Variants in CACFD1 observed in about 807,000 individuals in gnomAD.
CACFD1 encodes calcium channel flower homolog.
A neutral mutation model predicts 21.3 loss-of-function variants in CACFD1; 26 were observed. That is an observed-to-expected ratio of 1.22 (90% CI 0.89 to 1.69). The LOEUF is 1.69. Among genes scored for constraint, CACFD1 ranks in the 40% most tolerant of loss-of-function variants. CACFD1 has a pLI of 0.00. For missense variants in CACFD1, 265 were observed against 236.2 expected (o/e 1.12, Z -0.80); for synonymous variants, 121 against 106.6 (o/e 1.13, Z -0.83).
intron 4 of CACFD1, 44 bp downstream of exon 4, chr9:133,468,072 C>T (rs1350828985): frequency 1.3e-6 from 2 of 1,511,072 alleles, no homozygotes; most frequent in Non-Finnish European, 1.8e-6. Flanking sequence ...CTTCCTCCCT[C>T]CGCCCCCCGA....
intron 3 of CACFD1, among the ~76,000 whole-genome samples, 193 bp from the exon 4 acceptor site, chr9:133,467,728 C>G (rs989720536): frequency 7.9e-5 from 12 of 152,194 alleles, no homozygotes; most frequent in Non-Finnish European, 1.5e-4. Context: ...GATCCTATTC[C>G]CAGAATGGAA....
chr9:133,463,632 G>A, intron 2 of CACFD1, 77 bp downstream of exon 2: 1 of 1,485,664 alleles, frequency 6.7e-7, no homozygotes, highest in Non-Finnish European at 9.4e-7. Flanking sequence ...GGACAGAGGA[G>A]TGGCAGGGGC....
At chr9:133,464,035 C>T (rs587731136) in intron 2 of CACFD1, among the ~76,000 whole-genome samples, 3 of 152,272 alleles carry the variant, frequency 2.0e-5, no homozygotes, top group African/African-American at 7.2e-5. Flanking sequence ...AGAGGCGGGT[C>T]GGAGTTGTCA....
Position 133,460,009 on chromosome 9 carries a change from A to C in CACFD1, c.-58A>C, listed in dbSNP as rs1044682733. On this transcript the variant is annotated 5_prime_UTR_variant, in exon 1 of 5. Coordinates refer to ENST00000316948, the MANE Select transcript of CACFD1 (RefSeq NM_017586.5). ...CCCACAAGGCAGCGCGCCGGCTCGG[A>C]CGCGGCCGGCTACCGAGCCCTTTGT... is the stretch of plus-strand genomic sequence containing the variant. The C allele has an allele frequency of 2.7e-6, 4 of 1,470,412 alleles. No individual in the cohort carries two copies. The highest frequency in any genetic ancestry group is 2.7e-6 in the Non-Finnish European group (3 of 1,112,306). The allele number at this position is 1,470,412 out of a possible 1,614,324, so 91.1% of individuals were successfully genotyped here. A position where few individuals can be genotyped will look rare whatever the true frequency, so the allele number is the denominator to read the frequency against.
intron 4 of CACFD1, 188 bp downstream of exon 4, chr9:133,468,216 C>T: frequency 2.4e-6 from 3 of 1,239,382 alleles, no homozygotes; most frequent in Non-Finnish European, 3.3e-6. Context: ...AACACTTCTG[C>T]GTGGCCCAGT....
intron 2 of CACFD1, 88 bp downstream of exon 2, chr9:133,463,643 C>T (rs977126605): frequency 2.9e-6 from 4 of 1,393,346 alleles, no homozygotes; most frequent in African/African-American, 1.4e-5. Context: ...TGGCAGGGGC[C>T]GTGGGAGTGG....
chr9:133,461,090 A>C (rs1484586488), intron 1 of CACFD1, among the ~76,000 whole-genome samples: 2 of 152,210 alleles, frequency 1.3e-5, no homozygotes, highest in Non-Finnish European at 2.9e-5. Context: ...GGAGTGGGCA[A>C]GGTCTTAGAG....
At position 133,470,282 on chromosome 9, in the gene CACFD1, A is replaced by G. The variant is rs1180684559; in HGVS notation, c.*1629A>G. ...CCCATGTATGCAGTGAGACCTGTCTACCTCCCACAAGGAGCAAGGGCTCTG... is the reference window on the plus strand; with the variant it reads ...CCCATGTATGCAGTGAGACCTGTCTGCCTCCCACAAGGAGCAAGGGCTCTG... On this transcript the variant is annotated 3_prime_UTR_variant, in exon 5 of 5. Coordinates refer to ENST00000316948, the MANE Select transcript of CACFD1 (RefSeq NM_017586.5). The G allele has an allele frequency of 6.6e-6, 1 of 151,998 alleles. No individual in the cohort carries two copies. The highest frequency in any genetic ancestry group is 1.5e-5 in the Non-Finnish European group (1 of 68,070). 9.4% of individuals were successfully genotyped at this position (151,998 alleles called of 1,614,324 possible).
In CACFD1 at chr9:133,463,572, C is replaced by A. The variant is rs200743596; in HGVS notation, c.194+17C>A. The A allele has an allele frequency of 3.5e-5, 57 of 1,613,230 alleles. No homozygotes were observed. The African/African-American group carries it at 7.5e-4, about 21-fold the overall frequency. On this transcript the variant is annotated intron_variant, in intron 2 of 4. Transcript: ENST00000316948. ...GTGGATGATGTGAGTAATGCATGGC[C>A]GTCCCACCCCGGGGGTCTTGCTGGT...
At position 133,465,312 on chromosome 9, in the gene CACFD1, G is replaced by A; in HGVS notation, c.195-10G>A. ...CAGTCGCTGCTCTTCTCCTGCCCTG[G>A]TCCCTGCAGCATGAATGCCTTCATC... On this transcript the variant is annotated splice_polypyrimidine_tract_variant and intron_variant, in intron 2 of 4. Transcript: ENST00000316948. The surrounding 1 kb of genome is among the most constrained non-coding windows in gnomAD (Gnocchi z 5.0). 1 of 1,613,764 alleles carries A rather than the reference G, an allele frequency of 6.2e-7. No individual in the cohort carries two copies. The highest frequency in any genetic ancestry group is 8.5e-7 in the Non-Finnish European group (1 of 1,179,982).
chr9:133,464,758 G>A (rs1026187961), intron 2 of CACFD1, among the ~76,000 whole-genome samples: 12 of 152,198 alleles, frequency 7.9e-5, no homozygotes, highest in South Asian at 4.1e-4. Flanking sequence ...CCTCCCCAGC[G>A]TGGGCTTCCC....
rs917255588 is a variant in CACFD1 at position 133,463,375 on chromosome 9, T to C, written c.122-108T>C. On this transcript the variant is annotated intron_variant, in intron 1 of 4. Transcript: ENST00000316948. ...TCTGGGTGCTGTGAGAACTGTGTGC[T>C]GAGCATCCGCAGAGACTCTCGTCCT... is the stretch of plus-strand genomic sequence containing the variant. The C allele has an allele frequency of 2.3e-5, 36 of 1,584,484 alleles. No individual in the cohort carries two copies. In the Admixed American group the frequency reaches 3.2e-4, roughly 14 times the overall value.
At position 133,467,930 on chromosome 9, in the gene CACFD1, C is replaced by A. The variant is rs143531436; in HGVS notation, c.330C>A (p.Val110=). ...TCTGCTTTCCCCCCAGGATGGCGGTCGTTCCCATCGTCATCAGCCTGACCC... is the reference window on the plus strand; with the variant it reads ...TCTGCTTTCCCCCCAGGATGGCGGTAGTTCCCATCGTCATCAGCCTGACCC... ...QKAVFYCGMA[V]VPIVISLTLT... is the part of the protein sequence containing the mutation. Residue 110 remains valine, a synonymous_variant, in exon 4 of 5, where the codon GTC becomes GTA. Transcript: ENST00000316948. 6.2e-7 allele frequency: 1 copy of A among 1,612,186 alleles called. No homozygotes were observed. Among genetic ancestry groups the A allele is most frequent in the Non-Finnish European group, 8.5e-7 (1 of 1,179,506 alleles).
Position 133,459,990 on chromosome 9 carries a change from A to T in CACFD1, c.-77A>T. ...ATGCTAATATGCTCCCTCTCCCACA[A>T]GGCAGCGCGCCGGCTCGGACGCGGC... On this transcript the variant is annotated 5_prime_UTR_variant, in exon 1 of 5. The change creates a new upstream start codon in the 5' untranslated region. Transcript: ENST00000316948. The T allele has an allele frequency of 6.9e-7, 1 of 1,447,784 alleles. No individual in the cohort carries two copies. Among genetic ancestry groups the T allele is most frequent in the Non-Finnish European group, 9.1e-7 (1 of 1,101,784 alleles). 89.7% of individuals were successfully genotyped at this position (1,447,784 alleles called of 1,614,324 possible).
At position 133,460,276 on chromosome 9, in the gene CACFD1, G is replaced by A. The variant is rs1048349408; in HGVS notation, c.121+89G>A. ...CCCGCCCCGCCCCGGCGGCCCCAGG[G>A]GAAAGGACCCGCTGGGGGTCGGGGG... On this transcript the variant is annotated intron_variant, in intron 1 of 4. Coordinates refer to ENST00000316948, the MANE Select transcript of CACFD1 (RefSeq NM_017586.5). 1.7e-4 allele frequency: 208 copies of A among 1,235,622 alleles called. 1 individual carries two copies. In the African/African-American group the frequency reaches 3.1e-3, roughly 18 times the overall value. 76.5% of individuals were successfully genotyped at this position (1,235,622 alleles called of 1,614,324 possible).
Position 133,468,856 on chromosome 9 carries a change from G to T in CACFD1, c.*203G>T. ...TGTGAGGGTCTGGGCTGCTGGACTT[G>T]AGGCAGAGCCTGCAGCAGCTGTGTG... On this transcript the variant is annotated 3_prime_UTR_variant, in exon 5 of 5. Coordinates refer to ENST00000316948, the MANE Select transcript of CACFD1 (RefSeq NM_017586.5). 1 of 857,416 alleles carries T rather than the reference G, an allele frequency of 1.2e-6. No individual in the cohort carries two copies. The highest frequency in any genetic ancestry group is 1.7e-6 in the Non-Finnish European group (1 of 581,248). 53.1% of individuals were successfully genotyped at this position (857,416 alleles called of 1,614,324 possible). A position where few individuals can be genotyped will look rare whatever the true frequency, so the allele number is the denominator to read the frequency against.
At position 133,468,700 on chromosome 9, in the gene CACFD1, G is replaced by A. The variant is rs1554800236; in HGVS notation, c.*47G>A. On this transcript the variant is annotated 3_prime_UTR_variant, in exon 5 of 5. Coordinates refer to ENST00000316948, the MANE Select transcript of CACFD1 (RefSeq NM_017586.5). Reference sequence around the variant, plus strand: ...CCTGTCCCCTCTTCTGGCTCTGTGTGGGTCCAAGTGAGGCCTGGACTGTCC... The same window carrying A: ...CCTGTCCCCTCTTCTGGCTCTGTGTAGGTCCAAGTGAGGCCTGGACTGTCC... 2 of 1,528,100 alleles carry A rather than the reference G, an allele frequency of 1.3e-6. No individual in the cohort carries two copies. The highest frequency in any genetic ancestry group is 2.4e-5 in the East Asian group (1 of 41,496). 94.7% of individuals were successfully genotyped at this position (1,528,100 alleles called of 1,614,324 possible). A position where few individuals can be genotyped will look rare whatever the true frequency, so the allele number is the denominator to read the frequency against.
At position 133,468,471 on chromosome 9, in the gene CACFD1, C is replaced by G. The variant is rs782749820; in HGVS notation, c.429-92C>G. 7.1e-6 allele frequency: 11 copies of G among 1,538,760 alleles called. No homozygotes were observed. The South Asian group carries it at 1.3e-4, about 18-fold the overall frequency. On this transcript the variant is annotated intron_variant, in intron 4 of 4. Transcript: ENST00000316948. ...GAAATCAGAATGCCTGCAGGTCACA[C>G]CTGGGTCACAGGGCAGGAACCGGGC...
chr9:133,465,149 T>C lies in CACFD1; in HGVS notation c.195-173T>C, dbSNP rs1279747722. The C allele has an allele frequency of 1.5e-6, 1 of 669,532 alleles. No homozygotes were observed. The highest frequency in any genetic ancestry group is 2.6e-6 in the Non-Finnish European group (1 of 381,472). The allele number at this position is 669,532 out of a possible 1,614,324, so 41.5% of individuals were successfully genotyped here. A position where few individuals can be genotyped will look rare whatever the true frequency, so the allele number is the denominator to read the frequency against. On this transcript the variant is annotated intron_variant, in intron 2 of 4. Transcript: ENST00000316948. The surrounding 1 kb of genome is among the most constrained non-coding windows in gnomAD (Gnocchi z 5.0). Reference sequence around the variant, plus strand: ...GAGTGCTGGAGTCTTCAGCAGAGGCTCTCCGAGGGGTACGAGCAGGTGCCC... The same window carrying C: ...GAGTGCTGGAGTCTTCAGCAGAGGCCCTCCGAGGGGTACGAGCAGGTGCCC...
Sources: allele counts gnomAD v4.1 joint callset (sites outside exome capture counted in the v4.1 genomes callset), GRCh38; gene constraint gnomAD v4.1.1; non-coding constraint Gnocchi (gnomAD v3.1); transcripts MANE v1.5; gene names NCBI Gene and HGNC (gene_info 2026-07-23, HGNC 2026-07-21).